The following MEF2C variants were observed in gnomAD, a reference collection of about 807,000 sequenced individuals.
MEF2C encodes myocyte-specific enhancer factor 2C.
A neutral mutation model predicts 50.5 loss-of-function variants in MEF2C; 6 were observed. The observed-to-expected ratio is 0.12, with a 90% CI of 0.07 to 0.23. The LOEUF is 0.23. Ranked by LOEUF, MEF2C falls within the 10% of genes least tolerant of loss-of-function variation. The pLI, the probability that MEF2C is intolerant of heterozygous loss-of-function variation, is 1.00. For missense variants in MEF2C, 276 were observed against 605.0 expected (o/e 0.46, Z 5.70); for synonymous variants, 183 against 228.0 (o/e 0.80, Z 1.78).
At chr5:88,850,627 A>C (rs1016648018) in intron 1 of MEF2C, among the ~76,000 whole-genome samples, 13 of 152,078 alleles carry the variant, frequency 8.5e-5, no homozygotes, top group Admixed American at 6.6e-4. Context: ...ATGGAGCAGT[A>C]ATTGTAACCT....
intron 6 of MEF2C, chr5:88,746,794 G>A (rs909113828): frequency 8.2e-6 from 5 of 611,332 alleles, no homozygotes; most frequent in African/African-American, 2.0e-5. Context: ...CTAAGCTTGA[G>A]ACTAAGTGGC....
Position 88,722,791 on chromosome 5 carries a change from G to A in MEF2C, c.1235C>T (p.Thr412Met), listed in dbSNP as rs771034207. 4 of 1,613,894 alleles carry A rather than the reference G, an allele frequency of 2.5e-6. No homozygotes were observed. The highest frequency in any genetic ancestry group is 2.5e-6 in the Non-Finnish European group (3 of 1,179,906). Residue 412 changes from threonine (T) to methionine (M), a missense_variant, in exon 11 of 11, where the codon ACG becomes ATG. Around this residue, in one of 2 missense-constraint regions of MEF2C, gnomAD observed 256 missense variants for 468.1 expected, o/e 0.55. Transcript: ENST00000504921. The stretch of plus-strand genomic sequence containing the variant: ...AGGAGATCTCCCCGCCTCGTGGCGC[G>A]TGTGTTGTGGGTATCTCGAAGGGGT... ...TTTPSRYPQH[T>M]RHEAGRSPVD...
At chr5:88,844,436 GACAT>G (rs1818578494) in intron 1 of MEF2C, among the ~76,000 whole-genome samples, 1 of 152,138 alleles carries the variant, frequency 6.6e-6, no homozygotes, top group African/African-American at 2.4e-5. Context: ...AGTTGACAGT[GACAT>G]ACATATATCA....
chr5:88,831,905 C>G (rs574090654), intron 1 of MEF2C, among the ~76,000 whole-genome samples: 1 of 152,222 alleles, frequency 6.6e-6, no homozygotes, highest in South Asian at 2.1e-4. Flanking sequence ...GATCTTCTGA[C>G]AGCAATCATT....
At chr5:88,890,240 C>T (rs944137384) in intron 1 of MEF2C, among the ~76,000 whole-genome samples, 2 of 152,244 alleles carry the variant, frequency 1.3e-5, no homozygotes, top group African/African-American at 4.8e-5. Flanking sequence ...ATAAAACACA[C>T]ACTTTAAAGA....
chr5:88,788,975 C>A (rs1362215123), intron 3 of MEF2C, among the ~76,000 whole-genome samples: 1 of 152,128 alleles, frequency 6.6e-6, no homozygotes, highest in East Asian at 1.9e-4. Flanking sequence ...GTAGCTCATG[C>A]ATAGGGTAAC....
At chr5:88,753,391 T>C (rs1773767427) in intron 4 of MEF2C, among the ~76,000 whole-genome samples, 1 of 152,188 alleles carries the variant, frequency 6.6e-6, no homozygotes, top group South Asian at 2.1e-4. Flanking sequence ...TCATATTTAC[T>C]TTTATTATTA....
At chr5:88,737,097 A>T in intron 6 of MEF2C, 5 of 984,848 alleles carry the variant, frequency 5.1e-6, no homozygotes, top group Non-Finnish European at 6.0e-6. Flanking sequence ...ATTAAGAATT[A>T]TTCAGGAAAG....
intron 1 of MEF2C, among the ~76,000 whole-genome samples, chr5:88,878,446 A>G (rs1414109548): frequency 6.6e-6 from 1 of 152,014 alleles, no homozygotes; most frequent in African/African-American, 2.4e-5. Flanking sequence ...ACATGCAAAA[A>G]TATCACAGGT....
At chr5:88,751,774 T>C in intron 5 of MEF2C, 83 bp downstream of exon 5, 1 of 1,414,406 alleles carries the variant, frequency 7.1e-7, no homozygotes, top group Admixed American at 1.8e-5. Flanking sequence ...CCAGAAAACA[T>C]CTCGTAGATA....
chr5:88,839,037 A>C (rs1816266288), intron 1 of MEF2C, among the ~76,000 whole-genome samples: 1 of 152,192 alleles, frequency 6.6e-6, no homozygotes, highest in Non-Finnish European at 1.5e-5. Context: ...AAAATACTGC[A>C]CATTTTGGTG....
At chr5:88,834,503 C>T (rs77177005) in intron 1 of MEF2C, among the ~76,000 whole-genome samples, 5,840 of 152,070 alleles carry the variant, frequency 0.038, 124 homozygotes, top group Non-Finnish European at 0.041. Flanking sequence ...ATGAAGCTTA[C>T]GTTCTAAGGG....
At chr5:88,837,909 A>T (rs990725293) in intron 1 of MEF2C, among the ~76,000 whole-genome samples, 9 of 152,358 alleles carry the variant, frequency 5.9e-5, no homozygotes, top group African/African-American at 2.2e-4. Flanking sequence ...TACATATATT[A>T]ACTCTAATCC....
At chr5:88,782,036 G>C in intron 3 of MEF2C, 3 of 621,966 alleles carry the variant, frequency 4.8e-6, no homozygotes, top group Non-Finnish European at 6.0e-6. Flanking sequence ...TTTGATCCCA[G>C]GAGTTTGAGA....
At chr5:88,745,311 G>T (rs576433334) in intron 6 of MEF2C, among the ~76,000 whole-genome samples, 30 of 152,336 alleles carry the variant, frequency 2.0e-4, no homozygotes, top group Middle Eastern at 6.8e-3. Flanking sequence ...GTTGGTACAG[G>T]CTACTATGTA....
At chr5:88,885,513 C>T (rs1046020230), upstream of MEF2C, among the ~76,000 whole-genome samples, 7 of 151,686 alleles carry the variant, frequency 4.6e-5, no homozygotes, top group Non-Finnish European at 7.4e-5. Flanking sequence ...TTTTGTTTGC[C>T]GGTTTTTCAA....
At chr5:88,797,609 CT>C (rs779832474) in intron 3 of MEF2C, among the ~76,000 whole-genome samples, 4 of 151,876 alleles carry the variant, frequency 2.6e-5, no homozygotes, top group Non-Finnish European at 5.9e-5. Flanking sequence ...ATTTGCCAGT[CT>C]GTGTCTTTTA....
At chr5:88,735,897 T>G in intron 6 of MEF2C, 1 of 985,448 alleles carries the variant, frequency 1.0e-6, no homozygotes, top group Non-Finnish European at 1.2e-6. Context: ...TTTATTTGGA[T>G]GTTTAGGCAT....
At chr5:88,874,744 T>A (rs1830555525) in intron 1 of MEF2C, among the ~76,000 whole-genome samples, 2 of 151,958 alleles carry the variant, frequency 1.3e-5, no homozygotes, top group South Asian at 4.1e-4. Context: ...TTGGTCTAAT[T>A]TGGTAAATTT....
Sources: gnomAD v4.1 joint callset for allele counts (sites outside exome capture counted in the v4.1 genomes callset) on GRCh38, gnomAD v4.1.1 for gene constraint, gnomAD v4.1.1 regional missense constraint, MANE v1.5 for transcripts, NCBI Gene and HGNC (gene_info 2026-07-23, HGNC 2026-07-21) for gene names.